ATXN8OS: variants seen among roughly 807,000 people sequenced by gnomAD.
ATXN8OS encodes ATXN8 opposite strand (non-protein coding).
At chr13:70,107,701 C>A, upstream of ATXN8OS, 5 of 1,517,168 alleles carry the variant, frequency 3.3e-6, no homozygotes, top group Non-Finnish European at 3.5e-6. Flanking sequence ...GCCTGACATG[C>A]TTTACGCACA....
rs927315422 is a variant in ATXN8OS at position 70,168,351 on chromosome 13, A to G, written n.574-1402A>G. Among the ~76,000 whole-genome samples the G allele has an allele frequency of 2.0e-5, 3 of 152,222 alleles. No individual in the cohort carries two copies. In the East Asian group the frequency reaches 5.8e-4, roughly 29 times the overall value. ...CTATCACCTGGAGCATTTATCACTTATATAATGTGTTGGGAGCATTTCAAA... is the reference window on the plus strand; with the variant it reads ...CTATCACCTGGAGCATTTATCACTTGTATAATGTGTTGGGAGCATTTCAAA... On this transcript the variant is annotated intron_variant and non_coding_transcript_variant, in intron 4 of 4. Transcript: ENST00000678624.
At chr13:70,152,359 GTA>G (rs1491448124) in intron 4 of ATXN8OS, among the ~76,000 whole-genome samples, 2 of 113,764 alleles carry the variant, frequency 1.8e-5, no homozygotes, top group African/African-American at 6.1e-5. Flanking sequence ...GTGTGTGTGT[GTA>G]TATATACATA....
At chr13:70,169,068 G>A (rs1158944691) in intron 4 of ATXN8OS, among the ~76,000 whole-genome samples, 1 of 151,996 alleles carries the variant, frequency 6.6e-6, no homozygotes, top group Non-Finnish European at 1.5e-5. Flanking sequence ...GCTATTTTAA[G>A]TCAGGGATAG....
At chr13:70,160,780 AAATATTTATT>A (rs1888998170) in intron 4 of ATXN8OS, among the ~76,000 whole-genome samples, 4 of 20,834 alleles carry the variant, frequency 1.9e-4, no homozygotes, top group Non-Finnish European at 8.2e-4. Flanking sequence ...GTAAATATAT[AAATATTTATT>A]TATAAATATA....
At chr13:70,123,639 G>C (rs1265800303) in intron 2 of ATXN8OS, among the ~76,000 whole-genome samples, 1 of 151,828 alleles carries the variant, frequency 6.6e-6, no homozygotes, top group African/African-American at 2.4e-5. Context: ...AGAACTATTT[G>C]GGTAAGGGAA....
chr13:70,114,869 G>C (rs991067207), intron 1 of ATXN8OS, among the ~76,000 whole-genome samples: 1 of 151,954 alleles, frequency 6.6e-6, no homozygotes, highest in Admixed American at 6.6e-5. Context: ...TCCATAAGCC[G>C]TACTTTTTCT....
At chr13:70,164,332 C>T (rs190627393) in intron 4 of ATXN8OS, among the ~76,000 whole-genome samples, 22 of 151,492 alleles carry the variant, frequency 1.5e-4, no homozygotes, top group African/African-American at 4.8e-4. Flanking sequence ...TTACATCTTC[C>T]TTCTCCTCCT....
chr13:70,107,444 A>G (rs1566582142), upstream of ATXN8OS: 15 of 1,614,098 alleles, frequency 9.3e-6, no homozygotes, highest in Non-Finnish European at 1.3e-5. Context: ...AAGGAAGAGG[A>G]GGAAGAGGAC....
intron 3 of ATXN8OS, among the ~76,000 whole-genome samples, chr13:70,138,309 G>C (rs1593767569): frequency 2.1e-5 from 2 of 95,426 alleles, no homozygotes; most frequent in South Asian, 4.7e-4. Flanking sequence ...CTGAAGATGA[G>C]ACCAGATTTA....
chr13:70,140,695 T>C lies in ATXN8OS; in HGVS notation n.500-6660T>C, dbSNP rs115954705. Among the ~76,000 whole-genome samples the C allele has an allele frequency of 4.0e-3, 603 of 152,294 alleles. 4 individuals are homozygous for C. The highest frequency in any genetic ancestry group is 0.013 in the African/African-American group (541 of 41,578). ...TTAGGCACTTTATCTCTTCTGCAGA[T>C]GAACTTTCTTTGTTTTTCTATGCAT... is the stretch of plus-strand genomic sequence containing the variant. On this transcript the variant is annotated intron_variant and non_coding_transcript_variant, in intron 3 of 4. Transcript: ENST00000678624.
intron 3 of ATXN8OS, among the ~76,000 whole-genome samples, chr13:70,137,762 T>G (rs1888637761): frequency 6.6e-6 from 1 of 152,168 alleles, no homozygotes; most frequent in Admixed American, 6.6e-5. Context: ...TGTTATAAAA[T>G]AACTACTTAA....
rs377195218 is a variant in ATXN8OS at position 70,164,978 on chromosome 13, C to T, written n.574-4775C>T. 2.4e-3 allele frequency among the ~76,000 whole-genome samples: 360 copies of T among 152,022 alleles called. 1 individual carries two copies. Among genetic ancestry groups the T allele is most frequent in the African/African-American group, 8.4e-3 (350 of 41,524 alleles). ...ATTACCAAATCAGAAAAGTGACACT[C>T]TAAAGGACTCTAAAAGGTAAACATT... is the stretch of plus-strand genomic sequence containing the variant. On this transcript the variant is annotated intron_variant and non_coding_transcript_variant, in intron 4 of 4. Coordinates refer to ENST00000678624, the Ensembl canonical transcript of ATXN8OS.
chr13:70,109,075 G>A lies in ATXN8OS; in HGVS notation n.240+1056G>A, dbSNP rs963754029. Among the ~76,000 whole-genome samples, 4 of 152,332 alleles carry A rather than the reference G, an allele frequency of 2.6e-5. No individual in the cohort carries two copies. In the East Asian group the frequency reaches 7.7e-4, roughly 29 times the overall value. ...TCAAGAATGGAATAAAATGATAAAA[G>A]AGAATTTCAAGGTATAACCTTCTAG... On this transcript the variant is annotated intron_variant and non_coding_transcript_variant, in intron 1 of 4. Coordinates refer to ENST00000678624, the Ensembl canonical transcript of ATXN8OS.
intron 1 of ATXN8OS, chr13:70,108,206 G>A (rs1051290520): frequency 2.8e-5 from 11 of 395,604 alleles, no homozygotes; most frequent in Non-Finnish European, 4.9e-5. Flanking sequence ...GAGAGAAAGA[G>A]CCCCAAGTCT....
At chr13:70,117,165 A>T (rs1888291470) in intron 2 of ATXN8OS, among the ~76,000 whole-genome samples, 2 of 152,156 alleles carry the variant, frequency 1.3e-5, no homozygotes, top group African/African-American at 2.4e-5. Context: ...TTACACTAGA[A>T]AGTTGCTAAG....
chr13:70,148,377 C>G (rs1310839632), intron 4 of ATXN8OS, among the ~76,000 whole-genome samples: 1 of 152,078 alleles, frequency 6.6e-6, no homozygotes, highest in Non-Finnish European at 1.5e-5. Flanking sequence ...CTTATTAATA[C>G]AACGAATCTC....
intron 4 of ATXN8OS, among the ~76,000 whole-genome samples, chr13:70,163,350 T>G (rs1337895379): frequency 6.6e-6 from 1 of 152,010 alleles, no homozygotes; most frequent in African/African-American, 2.4e-5. Context: ...GTCCAGGATC[T>G]TAATTATTAC....
chr13:70,116,542 T>C (rs1337390526), intron 2 of ATXN8OS, among the ~76,000 whole-genome samples: 2 of 152,064 alleles, frequency 1.3e-5, no homozygotes, highest in Non-Finnish European at 2.9e-5. Flanking sequence ...CGAAACGAGC[T>C]CTATTGGAGT....
intron 3 of ATXN8OS, among the ~76,000 whole-genome samples, chr13:70,145,694 T>C (rs1347890554): frequency 6.6e-6 from 1 of 152,180 alleles, no homozygotes; most frequent in Non-Finnish European, 1.5e-5. Flanking sequence ...TTTTTGTACA[T>C]TGATTTTGTA....
Sources: gnomAD v4.1 joint callset for allele counts (sites outside exome capture counted in the v4.1 genomes callset) on GRCh38, gnomAD v4.1.1 for gene constraint, MANE v1.5 for transcripts, NCBI Gene and HGNC (gene_info 2026-07-23, HGNC 2026-07-21) for gene names.